The following TMEM117 variants were observed in gnomAD, a reference collection of about 807,000 sequenced individuals.
TMEM117 encodes transmembrane protein 117.
In TMEM117, 27 loss-of-function variants were observed where a neutral mutation model predicts 52.4. The ratio of observed to expected loss-of-function variants is 0.51; its 90% CI spans 0.38 to 0.71. The LOEUF (loss-of-function observed/expected upper bound fraction) is 0.71, where lower values mean the gene tolerates loss of function less well. Ranked by LOEUF, TMEM117 falls within the 30% of genes least tolerant of loss-of-function variation. The pLI, the probability that TMEM117 is intolerant of heterozygous loss-of-function variation, is 0.00. For missense variants in TMEM117, 556 were observed against 630.5 expected (o/e 0.88, Z 1.26); for synonymous variants, 215 against 206.3 (o/e 1.04, Z -0.36).
chr12:43,838,712 AC>A (rs1242443008), intron 1 of TMEM117, among the ~76,000 whole-genome samples: 2 of 150,260 alleles, frequency 1.3e-5, no homozygotes, highest in Non-Finnish European at 3.0e-5. Context: ...TGTGTTTTAT[AC>A]TTCACACAAT....
chr12:43,943,986 C>T (rs1409262234), intron 2 of TMEM117, among the ~76,000 whole-genome samples: 1 of 152,138 alleles, frequency 6.6e-6, no homozygotes, highest in Non-Finnish European at 1.5e-5. Context: ...GTAGTATTTA[C>T]TCTAGGATGA....
At chr12:43,928,728 A>G (rs1435433340) in intron 2 of TMEM117, among the ~76,000 whole-genome samples, 4 of 140,562 alleles carry the variant, frequency 2.8e-5, no homozygotes, top group South Asian at 2.5e-4. Context: ...ATATCTCCCA[A>G]TGCTATCCCT....
intron 3 of TMEM117, among the ~76,000 whole-genome samples, chr12:44,127,773 C>T (rs948310624): frequency 6.6e-6 from 1 of 152,116 alleles, no homozygotes; most frequent in African/African-American, 2.4e-5. Context: ...ATTGATGTTT[C>T]CCAGAGAAAG....
At chr12:43,921,870 C>T (rs1944700301) in intron 2 of TMEM117, among the ~76,000 whole-genome samples, 1 of 151,942 alleles carries the variant, frequency 6.6e-6, no homozygotes, top group South Asian at 2.1e-4. Context: ...CTTTCCATTC[C>T]ACTGACTCCA....
At chr12:44,123,198 TTTC>T (rs1231135516) in intron 3 of TMEM117, among the ~76,000 whole-genome samples, 1 of 152,182 alleles carries the variant, frequency 6.6e-6, no homozygotes. Flanking sequence ...GCTGTACGTA[TTTC>T]TTCTTTTGAG....
chr12:44,377,525 G>A (rs1951958851), intron 7 of TMEM117, among the ~76,000 whole-genome samples: 1 of 152,108 alleles, frequency 6.6e-6, no homozygotes, highest in Admixed American at 6.6e-5. Context: ...ATGATTTATT[G>A]TAATATCCTT....
intron 5 of TMEM117, among the ~76,000 whole-genome samples, chr12:44,231,609 T>C (rs1463341877): frequency 6.6e-6 from 1 of 151,804 alleles, no homozygotes; most frequent in Non-Finnish European, 1.5e-5. Context: ...GTTATCTTTG[T>C]TCTACCCGTT....
the TMEM117 span, among the ~76,000 whole-genome samples, chr12:43,829,195 G>C: frequency 1.3e-5 from 2 of 152,096 alleles, no homozygotes; most frequent in Non-Finnish European, 2.9e-5. Context: ...AACTTCTTCT[G>C]TCTGGCTTTC....
chr12:44,057,208 G>A (rs1358337931), intron 3 of TMEM117, among the ~76,000 whole-genome samples: 4 of 152,146 alleles, frequency 2.6e-5, no homozygotes, highest in African/African-American at 9.7e-5. Context: ...TTGCCCAGTT[G>A]CTAAGCGGGT....
chr12:44,006,144 T>G (rs1946191568), intron 3 of TMEM117, among the ~76,000 whole-genome samples: 2 of 152,154 alleles, frequency 1.3e-5, no homozygotes, highest in Admixed American at 6.6e-5. Flanking sequence ...CTCCATCCAG[T>G]CCACATAATG....
At chr12:43,973,446 C>G (rs1277680205) in intron 3 of TMEM117, among the ~76,000 whole-genome samples, 1 of 152,180 alleles carries the variant, frequency 6.6e-6, no homozygotes, top group Non-Finnish European at 1.5e-5. Context: ...TTCTAAATCC[C>G]TTGTTACTTG....
intron 3 of TMEM117, among the ~76,000 whole-genome samples, chr12:43,967,264 A>G (rs1416332246): frequency 1.3e-5 from 2 of 152,060 alleles, no homozygotes; most frequent in South Asian, 4.1e-4. Context: ...AACTGGGATT[A>G]CAGGCATGTG....
chr12:44,282,493 G>C (rs1237568356), intron 5 of TMEM117, among the ~76,000 whole-genome samples: 2 of 152,184 alleles, frequency 1.3e-5, no homozygotes, highest in Non-Finnish European at 2.9e-5. Flanking sequence ...TGGAGTAAAG[G>C]TGACTCTTGT....
intron 3 of TMEM117, among the ~76,000 whole-genome samples, chr12:44,091,908 A>G (rs533792552): frequency 3.3e-5 from 5 of 152,272 alleles, no homozygotes; most frequent in Admixed American, 6.5e-5. Flanking sequence ...ATATATTTGG[A>G]TATGTTAGCT....
intron 3 of TMEM117, among the ~76,000 whole-genome samples, chr12:44,107,788 T>A (rs1423731163): frequency 6.6e-6 from 1 of 152,188 alleles, no homozygotes; most frequent in Admixed American, 6.5e-5. Context: ...AGAAAGCAAC[T>A]TTGTTTTCTT....
chr12:43,937,873 A>G (rs1007283793), intron 2 of TMEM117, among the ~76,000 whole-genome samples: 1 of 152,190 alleles, frequency 6.6e-6, no homozygotes, highest in African/African-American at 2.4e-5. Flanking sequence ...GCACACATAT[A>G]GTAGACAAAA....
At chr12:44,355,783 A>G (rs1365666243) in intron 6 of TMEM117, among the ~76,000 whole-genome samples, 1 of 152,062 alleles carries the variant, frequency 6.6e-6, no homozygotes, top group African/African-American at 2.4e-5. Flanking sequence ...GCAGGGGTAC[A>G]TAGAACTAAA....
chr12:44,079,609 T>G (rs1467678599), intron 3 of TMEM117, among the ~76,000 whole-genome samples: 1 of 152,160 alleles, frequency 6.6e-6, no homozygotes, highest in Non-Finnish European at 1.5e-5. Context: ...TGTAAAGATA[T>G]CTCAAGATAT....
intron 5 of TMEM117, among the ~76,000 whole-genome samples, chr12:44,273,956 GGA>G (rs1217292314): frequency 6.6e-6 from 1 of 152,042 alleles, no homozygotes; most frequent in Non-Finnish European, 1.5e-5. Flanking sequence ...ACATAGTACT[GGA>G]AGTCCGAGAA....
Sources: gnomAD v4.1 joint callset for allele counts (sites outside exome capture counted in the v4.1 genomes callset) on GRCh38, gnomAD v4.1.1 for gene constraint, MANE v1.5 for transcripts, NCBI Gene and HGNC (gene_info 2026-07-23, HGNC 2026-07-21) for gene names.